Variants in GPHN observed in about 807,000 individuals in gnomAD.
The protein encoded by GPHN is gephyrin.
GPHN carries 17 observed loss-of-function variants against 95.5 expected under a neutral mutation model. The observed-to-expected ratio is 0.18, with a 90% CI of 0.12 to 0.27. GPHN has a LOEUF of 0.27. Among genes scored for constraint, GPHN ranks in the 10% least tolerant of loss-of-function variants. The pLI is 1.00. For synonymous variants in GPHN, 320 were observed against 322.5 expected (o/e 0.99, Z 0.08); for missense variants, 660 against 978.1 (o/e 0.67, Z 4.34).
the GPHN span, chr14:67,720,982 G>C: frequency 2.0e-5 from 3 of 152,200 alleles, no homozygotes; most frequent in Admixed American, 1.3e-4. Context: ...ATCACTCCTT[G>C]TTCTGTTGGT....
intron 2 of GPHN, among the ~76,000 whole-genome samples, chr14:66,758,762 C>T (rs542427092): frequency 6.6e-6 from 1 of 152,262 alleles, no homozygotes; most frequent in South Asian, 2.1e-4. Context: ...ATTTCTATCA[C>T]CTGGCAGGAT....
At chr14:66,697,467 A>G (rs1279806405) in intron 2 of GPHN, among the ~76,000 whole-genome samples, 2 of 152,174 alleles carry the variant, frequency 1.3e-5, no homozygotes, top group Non-Finnish European at 2.9e-5. Context: ...AAGGCACAAG[A>G]TGAAATGTAG....
chr14:66,603,059 A>G (rs923252857), intron 1 of GPHN, among the ~76,000 whole-genome samples: 3 of 151,886 alleles, frequency 2.0e-5, no homozygotes, highest in Non-Finnish European at 2.9e-5. Context: ...CTGAGAATGT[A>G]TTTTATTAAA....
chr14:67,098,581 AG>A (rs1188232684), intron 12 of GPHN, among the ~76,000 whole-genome samples: 1 of 152,112 alleles, frequency 6.6e-6, no homozygotes, highest in African/African-American at 2.4e-5. Context: ...AGGCCGAGGC[AG>A]GCGGATCACC....
chr14:67,437,229 T>G, the GPHN span, among the ~76,000 whole-genome samples: 1 of 152,188 alleles, frequency 6.6e-6, no homozygotes, highest in African/African-American at 2.4e-5. Flanking sequence ...ACAGACATGA[T>G]CCTGCCTTCG....
chr14:66,831,009 G>A (rs536362170), intron 4 of GPHN, among the ~76,000 whole-genome samples: 2 of 151,966 alleles, frequency 1.3e-5, no homozygotes, highest in Non-Finnish European at 2.9e-5. Context: ...ATATTGTAAT[G>A]CTTCAAAAAT....
the GPHN span, among the ~76,000 whole-genome samples, chr14:67,643,037 A>C: frequency 5.3e-5 from 8 of 152,124 alleles, no homozygotes; most frequent in African/African-American, 1.9e-4. Flanking sequence ...TCCTGAGCTC[A>C]AGCGATCCTT....
At chr14:67,302,235 G>A in the GPHN span, 1 of 1,232,940 alleles carries the variant, frequency 8.1e-7, no homozygotes, top group South Asian at 2.1e-5. Flanking sequence ...AGAAAGTGTG[G>A]GGGAAATGGT....
chr14:67,131,636 T>A (rs897759701), intron 17 of GPHN, among the ~76,000 whole-genome samples: 1 of 152,266 alleles, frequency 6.6e-6, no homozygotes, highest in East Asian at 1.9e-4. Flanking sequence ...TCATTTTATA[T>A]TTCTGAAGAA....
chr14:67,402,933 A>T, the GPHN span, among the ~76,000 whole-genome samples: 1 of 152,160 alleles, frequency 6.6e-6, no homozygotes, highest in Admixed American at 6.5e-5. Context: ...TTGGGTATAT[A>T]CCCAGCAGTG....
chr14:67,044,178 A>C (rs1380753977), intron 10 of GPHN, among the ~76,000 whole-genome samples: 1 of 152,050 alleles, frequency 6.6e-6, no homozygotes, highest in Admixed American at 6.6e-5. Context: ...CTCTACTAAA[A>C]ATACAACAAT....
At chr14:66,737,166 C>T (rs2072369211) in intron 2 of GPHN, among the ~76,000 whole-genome samples, 2 of 152,124 alleles carry the variant, frequency 1.3e-5, no homozygotes, top group South Asian at 2.1e-4. Context: ...TGTAGTTCGT[C>T]GTTTCTACAT....
chr14:67,611,418 T>G, the GPHN span, among the ~76,000 whole-genome samples: 1,726 of 150,648 alleles, frequency 0.011, 38 homozygotes, highest in African/African-American at 0.04. Flanking sequence ...CACATCTGGC[T>G]AATTTTTTGG....
rs778043539 is a variant in GPHN, at chr14:66,922,744, G to A, written c.535G>A (p.Val179Met). The A allele has an allele frequency of 6.2e-7, 1 of 1,613,532 alleles. No individual in the cohort carries two copies. Among genetic ancestry groups the A allele is most frequent in the Non-Finnish European group, 8.5e-7 (1 of 1,179,506 alleles). ...LRDAIVKVKE[V>M]HDELEDLPSP... The stretch of plus-strand genomic sequence containing the variant: ...TGATGCCATTGTAAAAGTAAAGGAG[G>A]TGCATGATGAACTTGAAGATTTGCC... The change falls in exon 7 of 23, where the codon GTG (valine) becomes ATG (methionine). Residue 179 changes from valine (V) to methionine (M), a missense_variant. Physicochemically the swap from Val to Met is conservative, Grantham distance 21 (BLOSUM62 1). Around this residue, in one of 6 missense-constraint regions of GPHN, gnomAD observed 190 missense variants for 224.7 expected, o/e 0.85. Coordinates refer to ENST00000478722, the MANE Select transcript of GPHN (RefSeq NM_020806.5).
chr14:67,661,472 T>A, the GPHN span, among the ~76,000 whole-genome samples: 1 of 151,226 alleles, frequency 6.6e-6, no homozygotes, highest in African/African-American at 2.4e-5. Context: ...GGGACATGGT[T>A]AGAATTACCT....
intron 2 of GPHN, among the ~76,000 whole-genome samples, chr14:66,687,995 T>C (rs2067511110): frequency 6.6e-6 from 1 of 152,178 alleles, no homozygotes; most frequent in Non-Finnish European, 1.5e-5. Flanking sequence ...GGTGTAACTT[T>C]TGACTTGCCA....
At chr14:67,520,620 A>G in the GPHN span, among the ~76,000 whole-genome samples, 1 of 152,234 alleles carries the variant, frequency 6.6e-6, no homozygotes, top group African/African-American at 2.4e-5. Flanking sequence ...AATTATGGCA[A>G]TTAAGAATAA....
At chr14:66,704,947 AATC>A (rs1372545620) in intron 2 of GPHN, among the ~76,000 whole-genome samples, 1 of 108,046 alleles carries the variant, frequency 9.3e-6, no homozygotes, top group African/African-American at 5.8e-5. Flanking sequence ...AAGAGAGAAG[AATC>A]AAATAGACAC....
the GPHN span, among the ~76,000 whole-genome samples, chr14:67,219,032 G>GCC: frequency 6.6e-6 from 1 of 151,918 alleles, no homozygotes; most frequent in African/African-American, 2.4e-5. Context: ...GTGGCCAGTG[G>GCC]CCCCCCAGAG....
Sources: gnomAD v4.1 joint callset for allele counts (sites outside exome capture counted in the v4.1 genomes callset) on GRCh38, gnomAD v4.1.1 for gene constraint, gnomAD v4.1.1 regional missense constraint, MANE v1.5 for transcripts, NCBI Gene and HGNC (gene_info 2026-07-23, HGNC 2026-07-21) for gene names.